The following HTR1F variants were observed in gnomAD, a reference collection of about 807,000 sequenced individuals.
The protein encoded by HTR1F is 5-hydroxytryptamine (serotonin) receptor 1F, G protein-coupled.
A neutral mutation model predicts 24.0 loss-of-function variants in HTR1F; 17 were observed. The ratio of observed to expected loss-of-function variants is 0.71; its 90% CI spans 0.48 to 1.06. The LOEUF is 1.06. HTR1F is among the 50% of genes least tolerant of loss of function. The pLI, the probability that HTR1F is intolerant of heterozygous loss-of-function variation, is 0.00. For synonymous variants in HTR1F, 186 were observed against 156.8 expected (o/e 1.19, Z -1.39); for missense variants, 391 against 427.8 (o/e 0.91, Z 0.76).
intron 1 of HTR1F, among the ~76,000 whole-genome samples, chr3:87,807,998 A>C (rs1704100278): frequency 6.6e-6 from 1 of 151,616 alleles, no homozygotes; most frequent in Non-Finnish European, 1.5e-5. Flanking sequence ...TTATTTTTTT[A>C]ATGTGCTGTT....
chr3:87,967,673 C>G (rs1324763432), intron 2 of HTR1F, among the ~76,000 whole-genome samples: 1 of 152,062 alleles, frequency 6.6e-6, no homozygotes, highest in African/African-American at 2.4e-5. Flanking sequence ...AAGGGGAGTT[C>G]CCCTGCTCAT....
intron 2 of HTR1F, among the ~76,000 whole-genome samples, chr3:87,867,948 A>T (rs999987254): frequency 6.6e-5 from 10 of 152,116 alleles, no homozygotes; most frequent in African/African-American, 2.4e-4. Flanking sequence ...AATGGAATAA[A>T]CTGTAGCACT....
chr3:87,833,691 G>A (rs1704627559), intron 2 of HTR1F, among the ~76,000 whole-genome samples: 1 of 151,934 alleles, frequency 6.6e-6, no homozygotes, highest in African/African-American at 2.4e-5. Context: ...TCACTATATT[G>A]CCTAGGCTGG....
chr3:87,842,172 G>GT (rs1344955522), intron 2 of HTR1F, among the ~76,000 whole-genome samples: 1 of 151,394 alleles, frequency 6.6e-6, no homozygotes, highest in Non-Finnish European at 1.5e-5. Flanking sequence ...GTTTTGTTTT[G>GT]TTTTTTTGAG....
chr3:87,941,601 C>G lies in HTR1F; in HGVS notation c.-42-49107C>G, dbSNP rs1704570408. Among the ~76,000 whole-genome samples, 5 of 152,214 alleles carry G rather than the reference C, an allele frequency of 3.3e-5. No individual in the cohort carries two copies. In the South Asian group the frequency reaches 1.0e-3, roughly 32 times the overall value. On this transcript the variant is annotated intron_variant, in intron 2 of 2. Transcript: ENST00000319595. ...GCTCAAGTCTTGGGATAATGCCTGG[C>G]CAAATAGATGGAGGCTATCCCTGAC...
At chr3:87,826,881 G>C (rs901624528) in intron 2 of HTR1F, among the ~76,000 whole-genome samples, 1 of 151,982 alleles carries the variant, frequency 6.6e-6, no homozygotes, top group Non-Finnish European at 1.5e-5. Context: ...TGTGCTCTTG[G>C]ATCACTGCAA....
At position 87,990,792 on chromosome 3, in the gene HTR1F, G is replaced by GA. The variant is rs752577300; in HGVS notation, c.45dup (p.Leu16ThrfsTer82). ...ATCTGATCAAAACTTGACCTCAGAGGAACTGTTAAACAGAATGCCATCCAA... is the reference window on the plus strand; with the variant it reads ...ATCTGATCAAAACTTGACCTCAGAGGAAACTGTTAAACAGAATGCCATCCAA... On this transcript the variant is annotated frameshift_variant, in exon 3 of 3. Coordinates refer to ENST00000319595, the MANE Select transcript of HTR1F (RefSeq NM_001322209.2). LOFTEE classifies it high-confidence loss of function. The GA allele has an allele frequency of 6.2e-7, 1 of 1,613,674 alleles. No individual in the cohort carries two copies. Among genetic ancestry groups the GA allele is most frequent in the Admixed American group, 1.7e-5 (1 of 60,006 alleles).
In HTR1F at chr3:87,807,259, G is replaced by A. The variant is rs74523771; in HGVS notation, c.-160+14417G>A. Among the ~76,000 whole-genome samples the A allele has an allele frequency of 3.9e-3, 587 of 152,084 alleles. 6 individuals are homozygous for A. The highest frequency in any genetic ancestry group is 0.014 in the African/African-American group (564 of 41,528). On this transcript the variant is annotated intron_variant, in intron 1 of 2. Transcript: ENST00000319595. ...GGATATTAACTCTACTGATCCATGA[G>A]CATGGAGTATCTTTCCCTTCGTGTT...
At chr3:87,842,517 T>G (rs1408967158) in intron 2 of HTR1F, among the ~76,000 whole-genome samples, 1 of 151,868 alleles carries the variant, frequency 6.6e-6, no homozygotes, top group African/African-American at 2.4e-5. Flanking sequence ...ATGAAACATC[T>G]CACGAGCTAT....
At chr3:87,837,479 A>C (rs577032241) in intron 2 of HTR1F, among the ~76,000 whole-genome samples, 1 of 152,216 alleles carries the variant, frequency 6.6e-6, no homozygotes, top group Admixed American at 6.5e-5. Flanking sequence ...CAAGTTCACA[A>C]TCCGGAAGCT....
At chr3:87,937,255 G>A (rs1199814165) in intron 2 of HTR1F, among the ~76,000 whole-genome samples, 4 of 151,960 alleles carry the variant, frequency 2.6e-5, no homozygotes, top group Non-Finnish European at 4.4e-5. Context: ...ACTGAATCCA[G>A]CAACACATTA....
At chr3:87,931,979 TCC>T (rs1704285439) in intron 2 of HTR1F, among the ~76,000 whole-genome samples, 1 of 152,196 alleles carries the variant, frequency 6.6e-6, no homozygotes, top group African/African-American at 2.4e-5. Context: ...AAAAATTTTC[TCC>T]CATTCTGTAG....
intron 2 of HTR1F, among the ~76,000 whole-genome samples, chr3:87,869,100 TTTA>T (rs1324238940): frequency 6.6e-6 from 1 of 151,992 alleles, no homozygotes; most frequent in Non-Finnish European, 1.5e-5. Context: ...ATCCTTGAAC[TTTA>T]TTGTTATCAC....
chr3:87,883,277 A>G (rs1189677665), intron 2 of HTR1F, among the ~76,000 whole-genome samples: 3 of 152,222 alleles, frequency 2.0e-5, no homozygotes, highest in African/African-American at 4.8e-5. Flanking sequence ...TAGCATCAAC[A>G]TCAACAAAAA....
chr3:87,846,292 G>T (rs1316504534), intron 2 of HTR1F, among the ~76,000 whole-genome samples: 2 of 151,812 alleles, frequency 1.3e-5, no homozygotes, highest in East Asian at 3.9e-4. Context: ...AAATTAGCCA[G>T]GTGTGATGGC....
chr3:87,833,251 G>C (rs1704619034), intron 2 of HTR1F, among the ~76,000 whole-genome samples: 1 of 152,104 alleles, frequency 6.6e-6, no homozygotes, highest in African/African-American at 2.4e-5. Flanking sequence ...CTTCCCTTAA[G>C]TATCCAGAAT....
intron 2 of HTR1F, among the ~76,000 whole-genome samples, chr3:87,918,507 A>C (rs1402500567): frequency 6.6e-6 from 1 of 152,142 alleles, no homozygotes; most frequent in Non-Finnish European, 1.5e-5. Flanking sequence ...CCTAGAACTG[A>C]TAAAAGAATT....
intron 2 of HTR1F, among the ~76,000 whole-genome samples, chr3:87,987,819 A>G (rs569486936): frequency 2.1e-5 from 3 of 143,182 alleles, no homozygotes; most frequent in Non-Finnish European, 4.5e-5. Context: ...TATATGTATT[A>G]TATATATATA....
chr3:87,911,064 C>A (rs1378533671), intron 2 of HTR1F, among the ~76,000 whole-genome samples: 1 of 151,808 alleles, frequency 6.6e-6, no homozygotes, highest in Non-Finnish European at 1.5e-5. Flanking sequence ...ACTAAAAGAA[C>A]TAGAGAAGCA....
Sources: gnomAD v4.1 joint callset for allele counts (sites outside exome capture counted in the v4.1 genomes callset) on GRCh38, gnomAD v4.1.1 for gene constraint, MANE v1.5 for transcripts, NCBI Gene and HGNC (gene_info 2026-07-23, HGNC 2026-07-21) for gene names.